Variants in ADGRV1 observed in about 807,000 individuals in gnomAD.
The protein encoded by ADGRV1 is adhesion G protein-coupled receptor V1.
Under a neutral mutation model 596.2 loss-of-function variants are expected in ADGRV1, and 359 were observed. The ratio of observed to expected loss-of-function variants is 0.60; its 90% CI spans 0.55 to 0.66. The LOEUF (loss-of-function observed/expected upper bound fraction) is 0.66. Among genes scored for constraint, ADGRV1 ranks in the 30% least tolerant of loss-of-function variants. The pLI is 0.00. For missense variants in ADGRV1, 7,274 were observed against 7,575.6 expected (o/e 0.96, Z 1.48); for synonymous variants, 2,681 against 2,679.2 (o/e 1.00, Z -0.02).
rs750383362 is a variant in ADGRV1, at chr5:90,750,678, T to C, written c.11102T>C (p.Ile3701Thr). The change falls in exon 53 of 90, where the codon ATA becomes ACA. Residue 3701 changes from isoleucine (I) to threonine (T), a missense_variant. Physicochemically the swap from Ile to Thr is moderately conservative, Grantham distance 89. This residue lies in a region of ADGRV1 where 3,643 missense variants were observed against 3,809.2 expected (regional missense o/e 0.96). Coordinates refer to ENST00000405460, the MANE Select transcript of ADGRV1 (RefSeq NM_032119.4). ...GAAGCTGATGGAAGTATTAGTGATA[T>C]ATTTCCTACCTCAGGAGTGGTATGT... ...AWEADGSISD[I>T]FPTSGVILFT... 13 of 1,612,168 alleles carry C rather than the reference T, an allele frequency of 8.1e-6. No homozygotes were observed. Among genetic ancestry groups the C allele is most frequent in the Non-Finnish European group, 1.1e-5 (13 of 1,178,508 alleles).
At chr5:91,071,768 G>A (rs1466452890) in intron 85 of ADGRV1, among the ~76,000 whole-genome samples, 2 of 151,906 alleles carry the variant, frequency 1.3e-5, no homozygotes, top group African/African-American at 2.4e-5. Flanking sequence ...TCTGCCTCCC[G>A]GTTTCAAGCA....
intron 21 of ADGRV1, among the ~76,000 whole-genome samples, chr5:90,659,584 A>G (rs1303095783): frequency 6.6e-6 from 1 of 152,224 alleles, no homozygotes; most frequent in Non-Finnish European, 1.5e-5. Flanking sequence ...GCTAAATGCT[A>G]AGAAACTGCC....
intron 2 of ADGRV1, chr5:90,617,171 T>C (rs7730892): frequency 6.6e-6 from 1 of 152,208 alleles, no homozygotes; most frequent in African/African-American, 2.4e-5. Flanking sequence ...TATTGTTAGG[T>C]TTGCTGTTGT....
intron 1 of ADGRV1, among the ~76,000 whole-genome samples, chr5:90,582,171 G>A (rs1268835278): frequency 3.3e-5 from 5 of 150,052 alleles, no homozygotes; most frequent in Non-Finnish European, 5.9e-5. Context: ...TTCTGTGGTC[G>A]TTGGGTGGAG....
At chr5:90,971,262 T>C (rs1008522754) in intron 84 of ADGRV1, among the ~76,000 whole-genome samples, 7 of 152,204 alleles carry the variant, frequency 4.6e-5, no homozygotes, top group Non-Finnish European at 7.3e-5. Flanking sequence ...TGGAACCAAG[T>C]TGGAAAACAC....
chr5:90,789,920 A>G, intron 69 of ADGRV1, 69 bp downstream of exon 69: 3 of 1,114,174 alleles, frequency 2.7e-6, no homozygotes, highest in Middle Eastern at 4.8e-4. Flanking sequence ...GGGACAGGGA[A>G]ACTGCATGTT....
At chr5:91,060,400 T>TATA (rs1787318579) in intron 85 of ADGRV1, among the ~76,000 whole-genome samples, 2 of 22,804 alleles carry the variant, frequency 8.8e-5, no homozygotes, top group East Asian at 8.6e-4. Flanking sequence ...ATATATATAT[T>TATA]TTTTTTTTTA....
intron 70 of ADGRV1, among the ~76,000 whole-genome samples, chr5:90,797,287 C>CAAAAAAAAAAGAAAAAA (rs1760840068): frequency 3.8e-5 from 1 of 26,352 alleles, no homozygotes; most frequent in Non-Finnish European, 7.3e-5. Flanking sequence ...AAATGAAAAG[C>CAAAAAAAAAAGAAAAAA]AAAAAAAAAA....
chr5:90,765,482 A>G (rs1258755787), intron 59 of ADGRV1, among the ~76,000 whole-genome samples: 3 of 150,552 alleles, frequency 2.0e-5, no homozygotes, highest in African/African-American at 7.4e-5. Flanking sequence ...AACTCTAGAT[A>G]TCTGAAATCA....
chr5:90,703,705 T>C lies in ADGRV1; in HGVS notation c.8196T>C (p.Gly2732=). 1 of 1,605,898 alleles carries C rather than the reference T, an allele frequency of 6.2e-7. No individual in the cohort carries two copies. Among genetic ancestry groups the C allele is most frequent in the East Asian group, 2.2e-5 (1 of 44,676 alleles). ...TCCATGTGATAAGAACTTTCCCTGG[T>C]CGAGGAAATGTTACTGTTAACTGGA... ...LQFHVIRTFP[G]RGNVTVNWKI... Residue 2732 remains glycine, a synonymous_variant, in exon 35 of 90, where the codon GGT becomes GGC. Coordinates refer to ENST00000405460, the MANE Select transcript of ADGRV1 (RefSeq NM_032119.4).
rs754527926 is a variant in ADGRV1, at chr5:90,697,163, GT to G, written c.8155+19del. 6.3e-7 allele frequency: 1 copy of G among 1,597,706 alleles called. No individual in the cohort carries two copies. The highest frequency in any genetic ancestry group is 8.6e-7 in the Non-Finnish European group (1 of 1,168,264). ...GTCATGAAGGTGGGTTCCTTTTTTT[GT>G]TAAGCATATTCATTTTCTTTTCTAT... On this transcript the variant is annotated intron_variant, in intron 34 of 89. Transcript: ENST00000405460.
Position 90,791,196 on chromosome 5 carries a change from G to T in ADGRV1, c.14367G>T (p.Arg4789=). ...LIRSIQINIT[R]LAGTFGDVAV... ...GATCCATCCAAATTAACATAACCCG[G>T]CTTGCTGGAACATTTGGAGATGTGG... The change falls in exon 70 of 90, where the codon CGG becomes CGT. Residue 4789 remains arginine, a synonymous_variant. Coordinates refer to ENST00000405460, the MANE Select transcript of ADGRV1 (RefSeq NM_032119.4). 1.9e-6 allele frequency: 3 copies of T among 1,613,888 alleles called. No individual in the cohort carries two copies. Among genetic ancestry groups the T allele is most frequent in the Non-Finnish European group, 2.5e-6 (3 of 1,179,858 alleles).
At chr5:90,850,558 A>G (rs758481062) in intron 79 of ADGRV1, 2 of 152,120 alleles carry the variant, frequency 1.3e-5, no homozygotes, top group Non-Finnish European at 2.9e-5. Flanking sequence ...TGTAGTCAAG[A>G]ATACCTGTTA....
rs192744459 is a variant in ADGRV1 at position 90,746,658 on chromosome 5, T to G, written c.10974+863T>G. ...TTTCATTTGGTTGTTTGAAAGCTGA[T>G]GTTATTGTTAAGGTTACTATGTTCT... On this transcript the variant is annotated intron_variant, in intron 52 of 89. Coordinates refer to ENST00000405460, the MANE Select transcript of ADGRV1 (RefSeq NM_032119.4). Among the ~76,000 whole-genome samples the G allele has an allele frequency of 3.5e-4, 53 of 152,302 alleles. No individual in the cohort carries two copies. In the East Asian group the frequency reaches 9.7e-3, roughly 28 times the overall value.
intron 87 of ADGRV1, among the ~76,000 whole-genome samples, chr5:91,124,417 T>A (rs1793577263): frequency 6.6e-6 from 1 of 152,234 alleles, no homozygotes; most frequent in Non-Finnish European, 1.5e-5. Context: ...ATTAGGTTCA[T>A]TAGGTAAGGT....
chr5:91,070,364 G>T (rs921182324), intron 85 of ADGRV1, among the ~76,000 whole-genome samples: 2 of 152,150 alleles, frequency 1.3e-5, no homozygotes, highest in East Asian at 3.9e-4. Context: ...CAGGCTATGC[G>T]TGATTCCCCC....
At chr5:90,759,346 C>A in intron 57 of ADGRV1, 63 bp from the exon 58 acceptor site, 2 of 1,207,582 alleles carry the variant, frequency 1.7e-6, no homozygotes, top group Non-Finnish European at 2.3e-6. Flanking sequence ...TTTCTTTCCT[C>A]ATTTCCTATC....
Position 90,647,637 on chromosome 5 carries a change from T to A in ADGRV1, c.3162T>A (p.Pro1054=). 6.2e-7 allele frequency: 1 copy of A among 1,614,014 alleles called. No homozygotes were observed. The highest frequency in any genetic ancestry group is 1.1e-5 in the South Asian group (1 of 91,084). Reference sequence around the variant, plus strand: ...CTGCAAGAGAGAGAGATTTCATTCCTGTTGAAAAAGGAGAAACGCTCATTT... The same window carrying A: ...CTGCAAGAGAGAGAGATTTCATTCCAGTTGAAAAAGGAGAAACGCTCATTT... ...KATARERDFI[P]VEKGETLIFE... The change falls in exon 17 of 90, where the codon CCT becomes CCA. Residue 1054 remains proline (P), a synonymous_variant. Transcript: ENST00000405460.
chr5:90,861,331 G>A (rs111661553), intron 82 of ADGRV1, among the ~76,000 whole-genome samples: 5,404 of 151,040 alleles, frequency 0.036, 253 homozygotes, highest in East Asian at 0.17. Flanking sequence ...GTTTTTGGAG[G>A]CAGAGTCTTG....
Sources: gnomAD v4.1 joint callset for allele counts (sites outside exome capture counted in the v4.1 genomes callset) on GRCh38, gnomAD v4.1.1 for gene constraint, gnomAD v4.1.1 regional missense constraint, MANE v1.5 for transcripts, NCBI Gene and HGNC (gene_info 2026-07-23, HGNC 2026-07-21) for gene names.